The following FIBCD1 variants were observed in gnomAD, a reference collection of about 807,000 sequenced individuals.
FIBCD1 encodes fibrinogen C domain containing 1, also known as fibrinogen C domain-containing protein 1.
Under a neutral mutation model 45.1 loss-of-function variants are expected in FIBCD1, and 47 were observed. The ratio of observed to expected loss-of-function variants is 1.04; its 90% CI spans 0.82 to 1.33. FIBCD1 has a LOEUF of 1.33. FIBCD1 is among the 40% of genes most tolerant of loss of function. The pLI is 0.00. For synonymous variants in FIBCD1, 313 were observed against 308.1 expected (o/e 1.02, Z -0.17); for missense variants, 653 against 682.2 (o/e 0.96, Z 0.48).
chr9:130,940,586 A>G (rs73656078), upstream of FIBCD1, among the ~76,000 whole-genome samples: 2,621 of 152,332 alleles, frequency 0.017, 68 homozygotes, highest in African/African-American at 0.059. Context: ...GGCTGAGGGC[A>G]AGCAACATAC....
intron 4 of FIBCD1, among the ~76,000 whole-genome samples, chr9:130,919,855 C>T (rs1832229094): frequency 6.6e-6 from 1 of 152,208 alleles, no homozygotes; most frequent in African/African-American, 2.4e-5. Context: ...TTGATCTGGA[C>T]CTCACGTGTG....
At chr9:130,911,177 G>C (rs571870990) in intron 5 of FIBCD1, among the ~76,000 whole-genome samples, 5 of 152,188 alleles carry the variant, frequency 3.3e-5, no homozygotes, top group African/African-American at 9.7e-5. Context: ...AAGGTCTGCA[G>C]TTTCACTCCT....
At chr9:130,918,456 G>GT (rs1251731553) in intron 4 of FIBCD1, among the ~76,000 whole-genome samples, 1 of 152,234 alleles carries the variant, frequency 6.6e-6, no homozygotes, top group African/African-American at 2.4e-5. Context: ...AGCAACTGCG[G>GT]TTTTTCCTAG....
chr9:130,922,641 C>G lies in FIBCD1; in HGVS notation c.849+1103G>C, dbSNP rs1832281515. The stretch of plus-strand genomic sequence containing the variant: ...AAACACCTCCTCCCCGTCCCTCTCC[C>G]CACTGCCCAAGGATGCACACCGCCA... On this transcript the variant is annotated intron_variant, in intron 4 of 6. Transcript: ENST00000372338. The surrounding 1 kb of genome is among the most constrained non-coding windows in gnomAD (Gnocchi z 4.5). 1.3e-5 allele frequency among the ~76,000 whole-genome samples: 2 copies of G among 152,102 alleles called. No individual in the cohort carries two copies. Among genetic ancestry groups the G allele is most frequent in the African/African-American group, 4.8e-5 (2 of 41,414 alleles).
At chr9:130,935,661 A>G (rs1386978607) in intron 1 of FIBCD1, among the ~76,000 whole-genome samples, 2 of 152,192 alleles carry the variant, frequency 1.3e-5, no homozygotes, top group African/African-American at 4.8e-5. Flanking sequence ...CACAGCCTGG[A>G]CACTGCAGTC....
In FIBCD1 at chr9:130,903,701, C is replaced by T. The variant is rs1564331259; in HGVS notation, c.*363G>A. Reference sequence around the variant, plus strand: ...CCCCTGCTCTCTGTCCCCATAATGCCGGGTATTTGGCCGGGCAGGGCAGAG... The same window carrying T: ...CCCCTGCTCTCTGTCCCCATAATGCTGGGTATTTGGCCGGGCAGGGCAGAG... On this transcript the variant is annotated 3_prime_UTR_variant, in exon 7 of 7. Transcript: ENST00000372338. The T allele has an allele frequency of 9.9e-6, 4 of 402,188 alleles. No individual in the cohort carries two copies. Among genetic ancestry groups the T allele is most frequent in the East Asian group, 1.1e-4 (2 of 17,948 alleles). The allele number at this position is 402,188 out of a possible 1,614,324, so 24.9% of individuals were successfully genotyped here. A position where few individuals can be genotyped will look rare whatever the true frequency, so the allele number is the denominator to read the frequency against.
rs1055681171 is a variant in FIBCD1, at chr9:130,939,035, A to G, written c.-428T>C. ...CGCGCGCTCACACCCGCGGACTTGG[A>G]TACTAAACTCCGCCTCCGAAAAGAC... On this transcript the variant is annotated 5_prime_UTR_variant, in exon 1 of 7. Coordinates refer to ENST00000372338, the MANE Select transcript of FIBCD1 (RefSeq NM_032843.5). 1 of 151,866 alleles carries G rather than the reference A, an allele frequency of 6.6e-6. No homozygotes were observed. The highest frequency in any genetic ancestry group is 1.5e-5 in the Non-Finnish European group (1 of 67,948). The allele number at this position is 151,866 out of a possible 1,614,324, so 9.4% of individuals were successfully genotyped here.
intron 5 of FIBCD1, among the ~76,000 whole-genome samples, chr9:130,910,325 C>G (rs934252141): frequency 2.0e-5 from 3 of 152,230 alleles, no homozygotes; most frequent in Non-Finnish European, 2.9e-5. Context: ...CGGCGCTGCA[C>G]TCGATTTCTC....
Position 130,904,092 on chromosome 9 carries a change from T to C in FIBCD1, c.1358A>G (p.Lys453Arg). 1 of 1,613,076 alleles carries C rather than the reference T, an allele frequency of 6.2e-7. No individual in the cohort carries two copies. The highest frequency in any genetic ancestry group is 8.5e-7 in the Non-Finnish European group (1 of 1,179,854). ...GCGGTCCTCCCGGACCGGCCGGATC[T>C]TCATCTCAGAGAACTTGAGTGAGTA... The part of the protein sequence containing the change: ...WQYSLKFSEM[K>R]IRPVREDR The change falls in exon 7 of 7, where the codon AAG becomes AGG. Residue 453 changes from lysine to arginine, a missense_variant. Transcript: ENST00000372338.
Position 130,938,573 on chromosome 9 carries a change from G to A in FIBCD1, c.35C>T (p.Ala12Val). Residue 12 changes from alanine (A) to valine (V), a missense_variant, in exon 1 of 7, where the codon GCT becomes GTT. Physicochemically the swap from Ala to Val is moderately conservative, Grantham distance 64. Transcript: ENST00000372338. ...GCGCGGCCGGTCCTCAAGTTGGGCA[G>A]CGCCGCCCATGGTCTTCCACCGGTC... ...VNDRWKTMGG[A>V]AQLEDRPRDK... 1 of 1,489,598 alleles carries A rather than the reference G, an allele frequency of 6.7e-7. No individual in the cohort carries two copies. The highest frequency in any genetic ancestry group is 1.3e-5 in the South Asian group (1 of 79,300). 92.3% of individuals were successfully genotyped at this position (1,489,598 alleles called of 1,614,324 possible).
chr9:130,923,687 C>G, intron 4 of FIBCD1, 57 bp downstream of exon 4: 1 of 1,592,022 alleles, frequency 6.3e-7, no homozygotes, highest in Non-Finnish European at 8.5e-7. Context: ...GGTTCAGGTA[C>G]ACAGCCTCAC....
Position 130,924,301 on chromosome 9 carries a change from G to T in FIBCD1, c.648C>A (p.Pro216=). The T allele has an allele frequency of 6.2e-7, 1 of 1,604,688 alleles. No individual in the cohort carries two copies. Among genetic ancestry groups the T allele is most frequent in the Non-Finnish European group, 8.5e-7 (1 of 1,177,142 alleles). ...CTCTCTGAAGGTCGGCCTTGTTGCG[G>T]GGCCGGCCCAGCCCCCGGTCCCTCT... ...ALQRDRGLGR[P]RNKADLQRAP... is the part of the protein sequence containing the mutation. Residue 216 remains proline (P), a synonymous_variant, in exon 3 of 7, where the codon CCC becomes CCA. Transcript: ENST00000372338.
intron 4 of FIBCD1, among the ~76,000 whole-genome samples, chr9:130,914,916 A>G (rs981972667): frequency 6.6e-6 from 1 of 152,054 alleles, no homozygotes; most frequent in Non-Finnish European, 1.5e-5. Context: ...TCCCTCCCCA[A>G]ACCCTTTCCC....
At chr9:130,904,807 G>A (rs1055667802) in intron 6 of FIBCD1, among the ~76,000 whole-genome samples, 5 of 152,220 alleles carry the variant, frequency 3.3e-5, no homozygotes, top group Non-Finnish European at 7.3e-5. Context: ...GACCAAGCAG[G>A]ACTTGGAGGA....
At position 130,903,913 on chromosome 9, in the gene FIBCD1, A is replaced by G; in HGVS notation, c.*151T>C. ...AGGCGATGTGTGACTTCACCGGCCCAGGGAGCTTCGTGTCAGGGATGGCCC... is the reference window on the plus strand; with the variant it reads ...AGGCGATGTGTGACTTCACCGGCCCGGGGAGCTTCGTGTCAGGGATGGCCC... On this transcript the variant is annotated 3_prime_UTR_variant, in exon 7 of 7. Transcript: ENST00000372338. 1.0e-6 allele frequency: 1 copy of G among 1,001,530 alleles called. No individual in the cohort carries two copies. The highest frequency in any genetic ancestry group is 2.6e-5 in the East Asian group (1 of 38,226). The allele number at this position is 1,001,530 out of a possible 1,614,324, so 62.0% of individuals were successfully genotyped here.
chr9:130,940,051 G>A (rs975823071), upstream of FIBCD1, among the ~76,000 whole-genome samples: 1 of 151,844 alleles, frequency 6.6e-6, no homozygotes, highest in South Asian at 2.1e-4. Context: ...TCCGGCTCCC[G>A]GGGCGCCTTG....
intron 6 of FIBCD1, 45 bp from the exon 7 acceptor site, chr9:130,904,368 C>G (rs1428606538): frequency 1.3e-6 from 2 of 1,558,608 alleles, no homozygotes; most frequent in Non-Finnish European, 1.7e-6. Context: ...GGCACGGGTA[C>G]ACCCACTGGT....
At chr9:130,906,609 C>T (rs1346176916) in intron 5 of FIBCD1, among the ~76,000 whole-genome samples, 1 of 152,230 alleles carries the variant, frequency 6.6e-6, no homozygotes, top group Admixed American at 6.5e-5. Flanking sequence ...CCCTGACTCT[C>T]CTGCTGCTGA....
intron 4 of FIBCD1, among the ~76,000 whole-genome samples, chr9:130,919,478 C>A (rs1832221350): frequency 6.6e-6 from 1 of 152,330 alleles, no homozygotes; most frequent in East Asian, 1.9e-4. Flanking sequence ...TCCTGCTGCT[C>A]AGCCTCCCCG....
Sources: allele counts gnomAD v4.1 joint callset (sites outside exome capture counted in the v4.1 genomes callset), GRCh38; gene constraint gnomAD v4.1.1; non-coding constraint Gnocchi (gnomAD v3.1); transcripts MANE v1.5; gene names NCBI Gene and HGNC (gene_info 2026-07-23, HGNC 2026-07-21).